Variants in FHIT observed in about 807,000 individuals in gnomAD.
FHIT encodes bis(5'-adenosyl)-triphosphatase.
FHIT carries 19 observed loss-of-function variants against 17.9 expected under a neutral mutation model. The ratio of observed to expected loss-of-function variants is 1.06; its 90% CI spans 0.74 to 1.56. The LOEUF is 1.56. FHIT is among the 40% of genes most tolerant of loss of function. The pLI is 0.00. For synonymous variants in FHIT, 81 were observed against 69.7 expected, an observed-to-expected ratio of 1.16 and a Z score of -0.81; for missense variants, 248 against 189.2, an observed-to-expected ratio of 1.31 and a Z score of -1.82.
intron 5 of FHIT, among the ~76,000 whole-genome samples, chr3:60,153,649 A>T (rs1252726349): frequency 1.3e-5 from 2 of 152,202 alleles, no homozygotes; most frequent in Non-Finnish European, 2.9e-5. Context: ...TACGTCCAAA[A>T]GTAGCCTAAG....
chr3:60,689,417 C>T (rs576066110), intron 4 of FHIT, among the ~76,000 whole-genome samples: 4 of 152,254 alleles, frequency 2.6e-5, no homozygotes, highest in South Asian at 2.1e-4. Flanking sequence ...ATTTACACTG[C>T]ATTAGGTATT....
chr3:60,710,370 T>C (rs1354831660), intron 4 of FHIT, among the ~76,000 whole-genome samples: 1 of 152,204 alleles, frequency 6.6e-6, no homozygotes, highest in African/African-American at 2.4e-5. Flanking sequence ...TTTCTGCATT[T>C]CCATCTGAGG....
intron 4 of FHIT, among the ~76,000 whole-genome samples, chr3:60,745,831 TA>T (rs578076380): frequency 4.0e-4 from 61 of 152,188 alleles, no homozygotes; most frequent in African/African-American, 1.4e-3. Flanking sequence ...AAGACCAAAC[TA>T]AAAAGGATCT....
At chr3:60,131,060 TACAC>T (rs1559661601) in intron 5 of FHIT, among the ~76,000 whole-genome samples, 3,037 of 60,348 alleles carry the variant, frequency 0.05, 109 homozygotes, top group South Asian at 0.068. Context: ...TATACATACA[TACAC>T]ATGTATGTAT....
rs116657074 is a variant in FHIT at position 60,638,009 on chromosome 3, C to A, written c.-17-101030G>T. Among the ~76,000 whole-genome samples the A allele has an allele frequency of 5.2e-3, 796 of 152,182 alleles. 7 individuals carry two copies. The highest frequency in any genetic ancestry group is 0.018 in the African/African-American group (758 of 41,508). ...TGAAAGGGGCTCCCACTGGCCAAGA[C>A]AAATCAACTTCAATAAAAACAATGA... On this transcript the variant is annotated intron_variant, in intron 4 of 9. Coordinates refer to ENST00000492590, the MANE Select transcript of FHIT (RefSeq NM_002012.4).
chr3:59,998,322 C>G (rs935422565), intron 7 of FHIT, among the ~76,000 whole-genome samples: 1 of 151,862 alleles, frequency 6.6e-6, no homozygotes, highest in Non-Finnish European at 1.5e-5. Context: ...CCAGGCAGCC[C>G]GACTTCAGGT....
At chr3:60,471,878 A>G (rs2033105092) in intron 5 of FHIT, among the ~76,000 whole-genome samples, 1 of 152,092 alleles carries the variant, frequency 6.6e-6, no homozygotes, top group Non-Finnish European at 1.5e-5. Flanking sequence ...GAATCTTCCC[A>G]TGTTGAACTG....
intron 3 of FHIT, among the ~76,000 whole-genome samples, chr3:60,973,441 CA>C (rs1392054305): frequency 1.3e-5 from 2 of 152,026 alleles, no homozygotes; most frequent in Non-Finnish European, 2.9e-5. Context: ...TGGGAGTGTA[CA>C]AAAAGGCCTC....
At chr3:61,118,601 C>T (rs772084733) in intron 2 of FHIT, among the ~76,000 whole-genome samples, 1 of 152,146 alleles carries the variant, frequency 6.6e-6, no homozygotes, top group East Asian at 1.9e-4. Flanking sequence ...CAGATGTGGG[C>T]CCTGGCTCCA....
chr3:61,099,369 G>T (rs1273759196), intron 2 of FHIT, among the ~76,000 whole-genome samples: 2 of 150,886 alleles, frequency 1.3e-5, no homozygotes, highest in East Asian at 1.9e-4. Context: ...AAGGATATTG[G>T]CCTGCAGTTT....
chr3:60,411,364 C>A (rs920899474), intron 5 of FHIT, among the ~76,000 whole-genome samples: 2 of 152,082 alleles, frequency 1.3e-5, no homozygotes, highest in Non-Finnish European at 1.5e-5. Context: ...TTTTTTATAA[C>A]CTCCTCTTAC....
At chr3:59,884,954 A>G (rs1213123496) in intron 8 of FHIT, among the ~76,000 whole-genome samples, 4 of 152,222 alleles carry the variant, frequency 2.6e-5, no homozygotes, top group African/African-American at 7.2e-5. Context: ...AAGGACAAAA[A>G]TGAACTTAAG....
intron 3 of FHIT, among the ~76,000 whole-genome samples, chr3:60,909,856 A>T (rs1706636591): frequency 6.6e-6 from 1 of 152,076 alleles, no homozygotes; most frequent in Non-Finnish European, 1.5e-5. Context: ...GAAAACCAGA[A>T]ATTGACCTCC....
intron 8 of FHIT, among the ~76,000 whole-genome samples, chr3:59,869,484 C>CATTTTTTTTTTTTT: frequency 9.5e-6 from 1 of 105,488 alleles, no homozygotes; most frequent in Admixed American, 9.7e-5. Context: ...AAAGAACATC[C>CATTTTTTTTTTTTT]TTTTTTTTTT....
intron 5 of FHIT, among the ~76,000 whole-genome samples, chr3:60,161,596 G>T (rs1700943189): frequency 6.6e-6 from 1 of 152,092 alleles, no homozygotes; most frequent in Admixed American, 6.6e-5. Context: ...GTGTGCTTAG[G>T]GGATAGGACG....
intron 5 of FHIT, among the ~76,000 whole-genome samples, chr3:60,097,163 G>C (rs1043811045): frequency 6.6e-6 from 1 of 151,784 alleles, no homozygotes; most frequent in Non-Finnish European, 1.5e-5. Context: ...CCAAATTTTA[G>C]TCCAGTTATT....
At chr3:61,054,770 A>G (rs2034157032) in intron 2 of FHIT, among the ~76,000 whole-genome samples, 1 of 152,126 alleles carries the variant, frequency 6.6e-6, no homozygotes, top group African/African-American at 2.4e-5. Context: ...CCATGTACCT[A>G]AGAATGACCT....
chr3:60,458,645 T>C (rs1276532621), intron 5 of FHIT, among the ~76,000 whole-genome samples: 2 of 151,974 alleles, frequency 1.3e-5, no homozygotes, highest in African/African-American at 4.8e-5. Context: ...AGGTACCCAG[T>C]AGCTTTAGGT....
intron 2 of FHIT, among the ~76,000 whole-genome samples, chr3:61,193,828 C>A (rs555304012): frequency 2.2e-4 from 34 of 152,190 alleles, no homozygotes; most frequent in African/African-American, 7.9e-4. Context: ...AGAGTCACAG[C>A]CAACATTCCT....
Sources: allele counts gnomAD v4.1 joint callset (sites outside exome capture counted in the v4.1 genomes callset), GRCh38; gene constraint gnomAD v4.1.1; transcripts MANE v1.5; gene names NCBI Gene and HGNC (gene_info 2026-07-23, HGNC 2026-07-21).